Variants in ATG4B observed in about 807,000 individuals in gnomAD.
ATG4B encodes the protein autophagy related 4B cysteine peptidase.
Under a neutral mutation model 56.6 loss-of-function variants are expected in ATG4B, and 29 were observed. That is an observed-to-expected ratio of 0.51 (90% confidence interval 0.38 to 0.70). ATG4B has a LOEUF of 0.70. Ranked by LOEUF, ATG4B falls within the 30% of genes least tolerant of loss-of-function variation. ATG4B has a pLI of 0.00. For missense variants in ATG4B, 461 were observed against 515.5 expected (o/e 0.89, Z 1.02); for synonymous variants, 224 against 206.1 (o/e 1.09, Z -0.74).
In ATG4B at chr2:241,666,626, A is replaced by G. The variant is rs1301697897; in HGVS notation, c.539-19A>G. ...TGCACAGGTCTGCTTGGTTAGTGAA[A>G]GCATGTCTCCCTTTCTAGGAAGGTT... On this transcript the variant is annotated intron_variant, in intron 7 of 12. Transcript: ENST00000404914. 6.2e-7 allele frequency: 1 copy of G among 1,612,248 alleles called. No individual in the cohort carries two copies. The highest frequency in any genetic ancestry group is 8.5e-7 in the Non-Finnish European group (1 of 1,179,426).
chr2:241,653,284 TC>T (rs1276348112), intron 3 of ATG4B: 2 of 1,495,430 alleles, frequency 1.3e-6, no homozygotes, highest in South Asian at 2.4e-5. Flanking sequence ...ACTGACTTGT[TC>T]ATGTGTTTTG....
Position 241,668,559 on chromosome 2 carries a change from G to A in ATG4B, c.831G>A (p.Leu277=), listed in dbSNP as rs770041836. The part of the protein sequence containing the change: ...IGYVGEELIY[L]DPHTTQPAVE... Reference sequence around the variant, plus strand: ...TCCCAGGTGAGGAGCTCATCTACCTGGACCCCCACACCACGCAGCCAGCCG... The same window carrying A: ...TCCCAGGTGAGGAGCTCATCTACCTAGACCCCCACACCACGCAGCCAGCCG... Residue 277 remains leucine, a synonymous_variant, in exon 10 of 13, where the codon CTG becomes CTA. Coordinates refer to ENST00000404914, the MANE Select transcript of ATG4B (RefSeq NM_013325.5). This position sits in a 1 kb window ranked among gnomAD's most constrained non-coding sequence, Gnocchi z 4.2. The A allele has an allele frequency of 1.3e-5, 21 of 1,609,412 alleles. No individual in the cohort carries two copies. The highest frequency in any genetic ancestry group is 1.7e-5 in the Non-Finnish European group (20 of 1,179,240).
chr2:241,645,487 C>T (rs540547201), intron 1 of ATG4B, among the ~76,000 whole-genome samples: 56 of 152,316 alleles, frequency 3.7e-4, no homozygotes, highest in African/African-American at 1.3e-3. Context: ...ACTGCTCACC[C>T]GTTTCAGTGA....
At chr2:241,661,206 ACTGCGTCAG>A (rs745605817) in intron 7 of ATG4B, among the ~76,000 whole-genome samples, 2 of 152,190 alleles carry the variant, frequency 1.3e-5, no homozygotes, top group African/African-American at 2.4e-5. Context: ...GCTTCGTCTC[ACTGCGTCAG>A]CTGCCTGAAA....
Position 241,668,480 on chromosome 2 carries a change from C to G in ATG4B, c.812-60C>G. 1 of 1,571,394 alleles carries G rather than the reference C, an allele frequency of 6.4e-7. No individual in the cohort carries two copies. Among genetic ancestry groups the G allele is most frequent in the South Asian group, 1.2e-5 (1 of 86,488 alleles). On this transcript the variant is annotated intron_variant, in intron 9 of 12. Transcript: ENST00000404914. The surrounding 1 kb of genome is among the most constrained non-coding windows in gnomAD (Gnocchi z 4.2). ...TGCAGTGGGTCTGAAATGCGGCCTC[C>G]TCTGTCCCTTTCCTCTGCCGGCTCG...
intron 6 of ATG4B, among the ~76,000 whole-genome samples, chr2:241,656,916 C>T (rs1230506246): frequency 6.6e-6 from 1 of 152,258 alleles, no homozygotes; most frequent in Non-Finnish European, 1.5e-5. Context: ...CTGCCTCAGC[C>T]TCCCGAAGTG....
chr2:241,666,770 C>T lies in ATG4B; in HGVS notation c.664C>T (p.Leu222=). 6.3e-7 allele frequency: 1 copy of T among 1,596,870 alleles called. No individual in the cohort carries two copies. Among genetic ancestry groups the T allele is most frequent in the African/African-American group, 1.3e-5 (1 of 74,736 alleles). Reference sequence around the variant, plus strand: ...CAACAGGCCGTCGCCATGGAGACCCCTGGTACTTCTCATTCCCCTGCGCCT... The same window carrying T: ...CAACAGGCCGTCGCCATGGAGACCCTTGGTACTTCTCATTCCCCTGCGCCT... ...VTNRPSPWRP[L]VLLIPLRLGL... is the part of the protein sequence containing the mutation. Residue 222 remains leucine, a synonymous_variant, in exon 8 of 13, where the codon CTG becomes TTG. Coordinates refer to ENST00000404914, the MANE Select transcript of ATG4B (RefSeq NM_013325.5).
intron 1 of ATG4B, among the ~76,000 whole-genome samples, chr2:241,648,129 A>G (rs2068117876): frequency 6.6e-6 from 1 of 152,196 alleles, no homozygotes; most frequent in Non-Finnish European, 1.5e-5. Context: ...AATAAAAAAA[A>G]GGCATGGACC....
chr2:241,638,995 C>T (rs1342195896), intron 1 of ATG4B, among the ~76,000 whole-genome samples: 1 of 152,238 alleles, frequency 6.6e-6, no homozygotes, highest in Non-Finnish European at 1.5e-5. Flanking sequence ...CTGCCCAGGC[C>T]TTGCTTGGGT....
intron 6 of ATG4B, among the ~76,000 whole-genome samples, chr2:241,657,151 A>G (rs1352880049): frequency 1.5e-5 from 2 of 135,990 alleles, no homozygotes; most frequent in East Asian, 2.3e-4. Flanking sequence ...AATTTTTTCA[A>G]TTTTTAGTAG....
In ATG4B at chr2:241,668,780, A is replaced by G; in HGVS notation, c.957+95A>G. The G allele has an allele frequency of 7.8e-7, 1 of 1,276,514 alleles. No homozygotes were observed. The highest frequency in any genetic ancestry group is 1.1e-6 in the Non-Finnish European group (1 of 927,998). 79.1% of individuals were successfully genotyped at this position (1,276,514 alleles called of 1,614,324 possible). A position where few individuals can be genotyped will look rare whatever the true frequency, so the allele number is the denominator to read the frequency against. On this transcript the variant is annotated intron_variant, in intron 10 of 12. Coordinates refer to ENST00000404914, the MANE Select transcript of ATG4B (RefSeq NM_013325.5). This position sits in a 1 kb window ranked among gnomAD's most constrained non-coding sequence, Gnocchi z 4.2. ...TTCGGATTTTTGCGTTTTTTTTTTC[A>G]GCATGTTGGGATAAGTACTGTGTTC...
At chr2:241,671,946 CCT>C in intron 12 of ATG4B, 1 of 1,394,670 alleles carries the variant, frequency 7.2e-7, no homozygotes, top group East Asian at 2.7e-5. Flanking sequence ...GACAGAGGCC[CCT>C]CAGGCCTGAG....
chr2:241,670,604 A>C, intron 10 of ATG4B, 122 bp from the exon 11 acceptor site: 1 of 927,310 alleles, frequency 1.1e-6, no homozygotes, highest in Non-Finnish European at 1.7e-6. Context: ...GCAGGCTGGA[A>C]TGTCCAGCAC....
At chr2:241,638,110 G>A (rs2067737279) in intron 1 of ATG4B, among the ~76,000 whole-genome samples, 1 of 151,870 alleles carries the variant, frequency 6.6e-6, no homozygotes, top group African/African-American at 2.4e-5. Flanking sequence ...CCGGGGACGC[G>A]AGCGGCGGGC....
At chr2:241,648,809 G>A (rs1252675027) in intron 1 of ATG4B, among the ~76,000 whole-genome samples, 1 of 152,194 alleles carries the variant, frequency 6.6e-6, no homozygotes, top group African/African-American at 2.4e-5. Flanking sequence ...TGTGGATTTG[G>A]TAGTTCTGCC....
intron 5 of ATG4B, 189 bp from the exon 6 acceptor site, chr2:241,655,082 G>T: frequency 1.6e-6 from 1 of 613,214 alleles, no homozygotes; most frequent in Non-Finnish European, 2.9e-6. Flanking sequence ...AGTTCATAGT[G>T]AAGGACAGTC....
At chr2:241,653,990 GAAAAAAAAA>G (rs34757883) in intron 4 of ATG4B, among the ~76,000 whole-genome samples, 1 of 72,932 alleles carries the variant, frequency 1.4e-5, no homozygotes, top group African/African-American at 4.7e-5. Flanking sequence ...GACCCTATCT[GAAAAAAAAA>G]AAAAAAAAAA....
chr2:241,639,817 A>G (rs919625524), intron 1 of ATG4B, among the ~76,000 whole-genome samples: 7 of 152,250 alleles, frequency 4.6e-5, no homozygotes, highest in African/African-American at 1.7e-4. Flanking sequence ...GTAATAAACC[A>G]ATTAGAGAAA....
intron 5 of ATG4B, chr2:241,654,904 C>G: frequency 1.7e-6 from 1 of 576,276 alleles, no homozygotes; most frequent in South Asian, 2.1e-5. Flanking sequence ...GCCTGGTGCT[C>G]GGCACAGTCT....
Sources: gnomAD v4.1 joint callset for allele counts (sites outside exome capture counted in the v4.1 genomes callset) on GRCh38, gnomAD v4.1.1 for gene constraint, Gnocchi (gnomAD v3.1) non-coding constraint, MANE v1.5 for transcripts, NCBI Gene and HGNC (gene_info 2026-07-23, HGNC 2026-07-21) for gene names.